Variants in EXOC7 observed in about 807,000 individuals in gnomAD.
EXOC7 encodes exocyst complex component 7, also known as exocyst complex component Exo70.
Under a neutral mutation model 87.6 loss-of-function variants are expected in EXOC7, and 51 were observed. That is an observed-to-expected ratio of 0.58 (90% CI 0.46 to 0.73). The LOEUF is 0.73. EXOC7 is among the 30% of genes least tolerant of loss of function. The pLI, the probability that EXOC7 is intolerant of heterozygous loss-of-function variation, is 0.00. For missense variants in EXOC7, 744 were observed against 888.4 expected, an observed-to-expected ratio of 0.84 and a Z score of 2.07; for synonymous variants, 327 against 357.1, an observed-to-expected ratio of 0.92 and a Z score of 0.95.
rs1479452187 is a variant in EXOC7 at position 76,103,389 on chromosome 17, T to C, written c.98A>G (p.Glu33Gly). 3.7e-6 allele frequency: 6 copies of C among 1,607,118 alleles called. No individual in the cohort carries two copies. Among genetic ancestry groups the C allele is most frequent in the Non-Finnish European group, 5.1e-6 (6 of 1,177,052 alleles). ...ETLSFIRDSL[E>G]KSDQLTKNMV... ...GTTCTTAGTGAGCTGGTCGCTCTTC[T>C]CCAGGCTGTCTCGGATGAAGGACAG... The change falls in exon 2 of 19, where the codon GAG (glutamate) becomes GGG (glycine). Residue 33 changes from glutamate to glycine, a missense_variant. Physicochemically the swap from Glu to Gly is moderately conservative, Grantham distance 98. Around this residue, in one of 3 missense-constraint regions of EXOC7, gnomAD observed 512 missense variants for 573.0 expected, o/e 0.89. Transcript: ENST00000589210.
Position 76,097,938 on chromosome 17 carries a change from C to T in EXOC7, c.498G>A (p.Ser166=), listed in dbSNP as rs138535055. The T allele has an allele frequency of 6.7e-5, 108 of 1,614,024 alleles. No individual in the cohort carries two copies. In the African/African-American group the frequency reaches 1.2e-3, roughly 18 times the overall value. ...TGATCAGATCCAAGATGAGCACGGG[C>T]GAGACGACCTTACTGTGCCGCGTCA... ...SLMTRHSKVV[S]PVLILDLISG... is the part of the protein sequence containing the mutation. The change falls in exon 5 of 19, where the codon TCG becomes TCA. Residue 166 remains serine (S), a synonymous_variant. Transcript: ENST00000589210.
intron 11 of EXOC7, 147 bp from the exon 12 acceptor site, chr17:76,087,867 C>T: frequency 1.0e-6 from 1 of 971,214 alleles, no homozygotes; most frequent in Non-Finnish European, 1.6e-6. Flanking sequence ...TTCACTCTAG[C>T]CTGCCAGGAA....
intron 5 of EXOC7, 50 bp from the exon 6 acceptor site, chr17:76,094,631 C>G: frequency 6.4e-7 from 1 of 1,560,262 alleles, no homozygotes; most frequent in Non-Finnish European, 8.7e-7. Flanking sequence ...CCTGTCTCTG[C>G]CTTGCAGACC....
chr17:76,098,572 G>A (rs1442655640), intron 4 of EXOC7, among the ~76,000 whole-genome samples: 1 of 151,920 alleles, frequency 6.6e-6, no homozygotes, highest in African/African-American at 2.4e-5. Context: ...AATAAATACT[G>A]GCTGATTGGC....
rs2067202231 is a variant in EXOC7 at position 76,086,155 on chromosome 17, G to A, written c.1430-10C>T. 3.1e-6 allele frequency: 5 copies of A among 1,613,122 alleles called. No individual in the cohort carries two copies. Among genetic ancestry groups the A allele is most frequent in the African/African-American group, 1.3e-5 (1 of 75,076 alleles). Reference sequence around the variant, plus strand: ...GCCGAAGAGCTGGTCTCTGTGAGAGGAGAAGTCCTGTTATTGCAGTGGCAG... The same window carrying A: ...GCCGAAGAGCTGGTCTCTGTGAGAGAAGAAGTCCTGTTATTGCAGTGGCAG... On this transcript the variant is annotated splice_polypyrimidine_tract_variant and intron_variant, in intron 12 of 18. Transcript: ENST00000589210.
intron 11 of EXOC7, 111 bp from the exon 12 acceptor site, chr17:76,087,831 T>C: frequency 2.5e-6 from 3 of 1,189,762 alleles, no homozygotes; most frequent in Non-Finnish European, 2.4e-6. Flanking sequence ...ATCCGCCCAG[T>C]GAAGAGCGCG....
At chr17:76,101,238 C>G (rs769524018) in intron 4 of EXOC7, 33 bp downstream of exon 4, 3 of 1,613,970 alleles carry the variant, frequency 1.9e-6, no homozygotes, top group Admixed American at 3.3e-5. Context: ...CTGATATCCC[C>G]AAGCTTCTCA....
At position 76,089,198 on chromosome 17, in the gene EXOC7, T is replaced by G; in HGVS notation, c.1024A>C (p.Lys342Gln). The G allele has an allele frequency of 1.2e-6, 2 of 1,613,812 alleles. No homozygotes were observed. Among genetic ancestry groups the G allele is most frequent in the Non-Finnish European group, 1.7e-6 (2 of 1,179,996 alleles). The change falls in exon 8 of 19, where the codon AAG becomes CAG. Residue 342 changes from lysine to glutamine, a missense_variant. Physicochemically the swap from Lys to Gln is moderately conservative, Grantham distance 53 (BLOSUM62 1). Coordinates refer to ENST00000589210, the MANE Select transcript of EXOC7 (RefSeq NM_001013839.4). ...ACCTGTATCAGGGAGTCGAAGGTCT[T>G]CTTCTGGTGGTGCTCGGGGATGATG... ...ADIIPEHHQK[K>Q]TFDSLIQDAL...
intron 6 of EXOC7, chr17:76,094,174 C>G: frequency 2.1e-6 from 1 of 465,318 alleles, no homozygotes; most frequent in East Asian, 3.6e-5. Context: ...CTGTGTTACT[C>G]CCCTACTCCA....
intron 4 of EXOC7, among the ~76,000 whole-genome samples, chr17:76,100,348 C>T (rs2067996672): frequency 6.6e-6 from 1 of 152,008 alleles, no homozygotes; most frequent in African/African-American, 2.4e-5. Flanking sequence ...CACATTTTGG[C>T]CAGGCACGGT....
Position 76,089,245 on chromosome 17 carries a change from C to T in EXOC7, c.977G>A (p.Ser326Asn). The T allele has an allele frequency of 6.2e-7, 1 of 1,614,132 alleles. No homozygotes were observed. Among genetic ancestry groups the T allele is most frequent in the Non-Finnish European group, 8.5e-7 (1 of 1,180,008 alleles). ...CVSAFVKLAQ[S>N]EYQLLADIIP... ...GATGTCGGCCAGCAGCTGGTACTCG[C>T]TCTGCGCCAGCTTGACGAAGGCACT... The change falls in exon 8 of 19, where the codon AGC (serine) becomes AAC (asparagine). Residue 326 changes from serine to asparagine, a missense_variant. Transcript: ENST00000589210.
chr17:76,085,456 TCAGGCCCAAAGG>T, intron 14 of EXOC7, 47 bp from the exon 15 acceptor site: 1 of 1,571,558 alleles, frequency 6.4e-7, no homozygotes, highest in Non-Finnish European at 8.7e-7. Context: ...GATTGGCTCC[TCAGGCCCAAAGG>T]CTGCGGCAAT....
chr17:76,090,163 CA>C (rs1471521550), intron 7 of EXOC7: 3 of 760,268 alleles, frequency 3.9e-6, no homozygotes, highest in Non-Finnish European at 6.2e-6. Flanking sequence ...TGGAGAGAGG[CA>C]AGGAGACCTA....
At chr17:76,101,073 G>A (rs952095522) in intron 4 of EXOC7, 198 bp downstream of exon 4, 6 of 1,034,744 alleles carry the variant, frequency 5.8e-6, no homozygotes, top group African/African-American at 5.0e-5. Context: ...ACATTAACAA[G>A]TTTTATAATA....
chr17:76,100,402 G>A (rs530224526), intron 4 of EXOC7, among the ~76,000 whole-genome samples: 117 of 151,900 alleles, frequency 7.7e-4, no homozygotes, highest in African/African-American at 2.6e-3. Context: ...TGAGGCGGGC[G>A]GATCACCTGA....
rs1460965154 is a variant in EXOC7 at position 76,081,610 on chromosome 17, G to T, written c.*2038C>A. ...TCTTGGTGCCTGCAGAGGCACTGCTGTTGGCTGACGTGTGCGGGGGGTTGC... is the reference window on the plus strand; with the variant it reads ...TCTTGGTGCCTGCAGAGGCACTGCTTTTGGCTGACGTGTGCGGGGGGTTGC... On this transcript the variant is annotated 3_prime_UTR_variant, in exon 19 of 19. Transcript: ENST00000589210. The T allele has an allele frequency of 1.2e-6, 2 of 1,614,072 alleles. No individual in the cohort carries two copies. Among genetic ancestry groups the T allele is most frequent in the East Asian group, 4.5e-5 (2 of 44,884 alleles).
rs1042730982 is a variant in EXOC7, at chr17:76,103,183, A to T, written c.126+178T>A. The T allele has an allele frequency of 9.6e-6, 6 of 624,738 alleles. No homozygotes were observed. The African/African-American group carries it at 1.1e-4, about 11-fold the overall frequency. The allele number at this position is 624,738 out of a possible 1,614,324, so 38.7% of individuals were successfully genotyped here. Reference sequence around the variant, plus strand: ...TGCAGCCTCCTCAGTGAGGGTACGGAACATGGGGAGGGGGCTAGGCAGGAG... The same window carrying T: ...TGCAGCCTCCTCAGTGAGGGTACGGTACATGGGGAGGGGGCTAGGCAGGAG... On this transcript the variant is annotated intron_variant, in intron 2 of 18. Transcript: ENST00000589210.
chr17:76,081,443 G>A lies in EXOC7; in HGVS notation c.*2205C>T. The A allele has an allele frequency of 6.2e-7, 1 of 1,612,934 alleles. No individual in the cohort carries two copies. Among genetic ancestry groups the A allele is most frequent in the Non-Finnish European group, 8.5e-7 (1 of 1,179,576 alleles). On this transcript the variant is annotated 3_prime_UTR_variant, in exon 19 of 19. Coordinates refer to ENST00000589210, the MANE Select transcript of EXOC7 (RefSeq NM_001013839.4). Reference sequence around the variant, plus strand: ...AGGAGGCCGACAGAGGGCTGCTGGAGGCGGGTGGGAGTGAGGATGCACGGC... The same window carrying A: ...AGGAGGCCGACAGAGGGCTGCTGGAAGCGGGTGGGAGTGAGGATGCACGGC...
intron 12 of EXOC7, chr17:76,086,962 T>C (rs923527249): frequency 2.1e-6 from 3 of 1,419,158 alleles, no homozygotes; most frequent in Non-Finnish European, 2.9e-6. Context: ...AGATGCAAAG[T>C]GCAAAAAACA....
Sources: gnomAD v4.1 joint callset for allele counts (sites outside exome capture counted in the v4.1 genomes callset) on GRCh38, gnomAD v4.1.1 for gene constraint, gnomAD v4.1.1 regional missense constraint, MANE v1.5 for transcripts, NCBI Gene and HGNC (gene_info 2026-07-23, HGNC 2026-07-21) for gene names.